The following EIF4H variants were observed in gnomAD, a reference collection of about 807,000 sequenced individuals.
EIF4H encodes Williams-Beuren syndrome chromosome region 1.
Under a neutral mutation model 30.6 loss-of-function variants are expected in EIF4H, and 8 were observed. The ratio of observed to expected loss-of-function variants is 0.26; its 90% CI spans 0.15 to 0.47. The LOEUF is 0.47. Among genes scored for constraint, EIF4H ranks in the 20% least tolerant of loss-of-function variants. The probability of loss-of-function intolerance (pLI) is 0.99; values close to 1 mark genes in which losing one functional copy is unlikely to be tolerated. For missense variants in EIF4H, 188 were observed against 339.5 expected (o/e 0.55, Z 3.51); for synonymous variants, 106 against 122.7 (o/e 0.86, Z 0.90).
intron 1 of EIF4H, among the ~76,000 whole-genome samples, chr7:74,179,870 T>A (rs1049847970): frequency 3.3e-5 from 5 of 152,150 alleles, no homozygotes; most frequent in African/African-American, 1.2e-4. Flanking sequence ...GGATACAGGT[T>A]TTCCGAAACT....
At chr7:74,177,289 C>A (rs1800862314) in intron 1 of EIF4H, among the ~76,000 whole-genome samples, 1 of 152,170 alleles carries the variant, frequency 6.6e-6, no homozygotes, top group Non-Finnish European at 1.5e-5. Context: ...TTAAACTTAG[C>A]ATGTCTGTCT....
At chr7:74,174,592 G>A in intron 1 of EIF4H, 150 bp downstream of exon 1, 1 of 706,926 alleles carries the variant, frequency 1.4e-6, no homozygotes, top group Non-Finnish European at 1.9e-6. Flanking sequence ...CCGGGGCCTG[G>A]AAATGGCGCG....
chr7:74,178,975 G>C (rs558712050), intron 1 of EIF4H, among the ~76,000 whole-genome samples: 69 of 152,286 alleles, frequency 4.5e-4, no homozygotes, highest in African/African-American at 1.6e-3. Context: ...CAGGGCTAGG[G>C]GGGCCGTCAC....
At position 74,185,912 on chromosome 7, in the gene EIF4H, C is replaced by CA. The variant is rs555271646; in HGVS notation, c.60-1690dup. On this transcript the variant is annotated intron_variant, in intron 1 of 6. Coordinates refer to ENST00000265753, the MANE Select transcript of EIF4H (RefSeq NM_022170.2). ...CAGGAAATGGGTTAAATGTCTGTTT[C>CA]AAAAAAAAATCACCCCCTTAATTTT... Among the ~76,000 whole-genome samples, 1,019 of 150,866 alleles carry CA rather than the reference C, an allele frequency of 6.8e-3. 4 individuals are homozygous for CA. Among genetic ancestry groups the CA allele is most frequent in the Middle Eastern group, 0.01 (3 of 294 alleles).
chr7:74,195,326 A>T lies in EIF4H; in HGVS notation c.*18A>T, dbSNP rs782576980. The T allele has an allele frequency of 1.9e-6, 3 of 1,611,138 alleles. No homozygotes were observed. The African/African-American group carries it at 4.0e-5, about 22-fold the overall frequency. On this transcript the variant is annotated 3_prime_UTR_variant, in exon 7 of 7. Coordinates refer to ENST00000265753, the MANE Select transcript of EIF4H (RefSeq NM_022170.2). ...AAGAATGAGCCTGCGGTTGGGAGGG[A>T]ATGGGGCGTGGGGGGTTAGAGCAGG...
chr7:74,187,785 A>G lies in EIF4H; in HGVS notation c.234A>G (p.Thr78=). Reference sequence around the variant, plus strand: ...TACGGCTAGTCAGAGACAAAGACACAGATAAATTTAAAGGTGAGTTTGGGG... The same window carrying G: ...TACGGCTAGTCAGAGACAAAGACACGGATAAATTTAAAGGTGAGTTTGGGG... ...RSVRLVRDKD[T]DKFKGFCYVE... Residue 78 remains threonine, a synonymous_variant, in exon 2 of 7, where the codon ACA becomes ACG. Coordinates refer to ENST00000265753, the MANE Select transcript of EIF4H (RefSeq NM_022170.2). The G allele has an allele frequency of 5.0e-6, 8 of 1,607,490 alleles. No individual in the cohort carries two copies. Among genetic ancestry groups the G allele is most frequent in the Non-Finnish European group, 6.8e-6 (8 of 1,175,450 alleles).
chr7:74,188,550 G>T (rs1554709477), intron 2 of EIF4H, among the ~76,000 whole-genome samples: 1 of 152,206 alleles, frequency 6.6e-6, no homozygotes, highest in South Asian at 2.1e-4. Context: ...TTTGTGTGTC[G>T]GTGGCACTCT....
intron 5 of EIF4H, among the ~76,000 whole-genome samples, chr7:74,191,456 G>T (rs1801210764): frequency 6.6e-6 from 1 of 152,190 alleles, no homozygotes; most frequent in Admixed American, 6.5e-5. Context: ...CACGGCCATG[G>T]CCTGGCCGCC....
rs114543530 is a variant in EIF4H, at chr7:74,185,539, C to T, written c.60-2072C>T. On this transcript the variant is annotated intron_variant, in intron 1 of 6. Coordinates refer to ENST00000265753, the MANE Select transcript of EIF4H (RefSeq NM_022170.2). ...CGTGGAACTTCCTATTGGAAAGTAC[C>T]GGAATTGTGAATTATGAAACTTAAA... 4.8e-3 allele frequency among the ~76,000 whole-genome samples: 732 copies of T among 151,362 alleles called. 4 individuals carry two copies. The highest frequency in any genetic ancestry group is 0.017 in the African/African-American group (715 of 41,230).
At chr7:74,178,910 A>G (rs1275182199) in intron 1 of EIF4H, among the ~76,000 whole-genome samples, 1 of 152,234 alleles carries the variant, frequency 6.6e-6, no homozygotes, top group Non-Finnish European at 1.5e-5. Context: ...AAGGAGCTCA[A>G]GTATGTGGCT....
Position 74,195,225 on chromosome 7 carries a change from C to G in EIF4H, c.664C>G (p.Leu222Val). Reference protein sequence around the residue: ...QLKPRTVATPLNQVANPNSAI... With the variant: ...QLKPRTVATPVNQVANPNSAI... Reference sequence around the variant, plus strand: ...TAAACCTCGAACAGTCGCGACGCCCCTCAATCAAGTAGCCAATCCCAACTC... The same window carrying G: ...TAAACCTCGAACAGTCGCGACGCCCGTCAATCAAGTAGCCAATCCCAACTC... Residue 222 changes from leucine (L) to valine (V), a missense_variant, in exon 7 of 7, where the codon CTC becomes GTC. Leu to Val is a conservative substitution (Grantham distance 32). Around this residue, in one of 4 missense-constraint regions of EIF4H, gnomAD observed 17 missense variants for 66.4 expected, o/e 0.26. Transcript: ENST00000265753. 6.2e-7 allele frequency: 1 copy of G among 1,613,990 alleles called. No homozygotes were observed. The highest frequency in any genetic ancestry group is 8.5e-7 in the Non-Finnish European group (1 of 1,179,872).
At chr7:74,177,241 G>A (rs1264328973) in intron 1 of EIF4H, among the ~76,000 whole-genome samples, 2 of 152,118 alleles carry the variant, frequency 1.3e-5, no homozygotes, top group South Asian at 2.1e-4. Flanking sequence ...GAGCTACCAC[G>A]CCCAGCCTAG....
chr7:74,191,255 A>G, intron 5 of EIF4H: 1 of 534,060 alleles, frequency 1.9e-6, no homozygotes, highest in Non-Finnish European at 3.8e-6. Context: ...TCAATCTGTA[A>G]TTTTATGTAT....
At position 74,182,181 on chromosome 7, in the gene EIF4H, T is replaced by C. The variant is rs140249313; in HGVS notation, c.60-5430T>C. 2.8e-3 allele frequency among the ~76,000 whole-genome samples: 420 copies of C among 152,296 alleles called. 5 individuals carry two copies. The highest frequency in any genetic ancestry group is 9.8e-3 in the African/African-American group (406 of 41,564). ...ATATGCAAAACATTACAGAAAAATGTAGAAAATTTAGAACACGAACCAAAG... is the reference window on the plus strand; with the variant it reads ...ATATGCAAAACATTACAGAAAAATGCAGAAAATTTAGAACACGAACCAAAG... On this transcript the variant is annotated intron_variant, in intron 1 of 6. Transcript: ENST00000265753.
chr7:74,181,961 C>T (rs528992384), intron 1 of EIF4H, among the ~76,000 whole-genome samples: 23 of 145,534 alleles, frequency 1.6e-4, no homozygotes, highest in East Asian at 1.0e-3. Flanking sequence ...GTGATTCATC[C>T]GCTTCAGCCT....
chr7:74,182,514 A>G (rs1266540381), intron 1 of EIF4H, among the ~76,000 whole-genome samples: 1 of 152,146 alleles, frequency 6.6e-6, no homozygotes, highest in Non-Finnish European at 1.5e-5. Context: ...GGTTTACACT[A>G]CTTTACCCTT....
rs201082008 is a variant in EIF4H, at chr7:74,196,970, A to C, written c.*1662A>C. 2 of 152,578 alleles carry C rather than the reference A, an allele frequency of 1.3e-5. No homozygotes were observed. The highest frequency in any genetic ancestry group is 3.8e-4 in the East Asian group (2 of 5,198). The allele number at this position is 152,578 out of a possible 1,614,324, so 9.5% of individuals were successfully genotyped here. On this transcript the variant is annotated 3_prime_UTR_variant, in exon 7 of 7. Transcript: ENST00000265753. ...ATGCATCTAAACTGCTGGGCAATCC[A>C]GTTGACTTTTAAATGTAAGAATGGA...
intron 1 of EIF4H, among the ~76,000 whole-genome samples, chr7:74,178,126 A>G (rs900395105): frequency 7.9e-5 from 12 of 151,946 alleles, no homozygotes; most frequent in African/African-American, 2.9e-4. Flanking sequence ...TTTTTTGTAG[A>G]GACAGAGTGT....
At chr7:74,184,948 T>C (rs984517797) in intron 1 of EIF4H, among the ~76,000 whole-genome samples, 10 of 152,140 alleles carry the variant, frequency 6.6e-5, no homozygotes, top group African/African-American at 2.4e-4. Flanking sequence ...CCCGAAGTGC[T>C]GGGATTACAG....
Sources: gnomAD v4.1 joint callset for allele counts (sites outside exome capture counted in the v4.1 genomes callset) on GRCh38, gnomAD v4.1.1 for gene constraint, gnomAD v4.1.1 regional missense constraint, MANE v1.5 for transcripts, NCBI Gene and HGNC (gene_info 2026-07-23, HGNC 2026-07-21) for gene names.